The following IKZF1 variants were observed in gnomAD, a reference collection of about 807,000 sequenced individuals.
IKZF1 encodes the protein DNA-binding protein Ikaros.
In IKZF1, 10 loss-of-function variants were observed where a neutral mutation model predicts 51.7. That is an observed-to-expected ratio of 0.19 (90% CI 0.12 to 0.33). The LOEUF (loss-of-function observed/expected upper bound fraction) is 0.33, where lower values mean the gene tolerates loss of function less well. IKZF1 is among the 10% of genes least tolerant of loss of function. IKZF1 has a pLI of 1.00. For synonymous variants in IKZF1, 280 were observed against 282.3 expected, an observed-to-expected ratio of 0.99 and a Z score of 0.08; for missense variants, 484 against 707.5, an observed-to-expected ratio of 0.68 and a Z score of 3.58.
At chr7:50,318,256 A>G (rs1034933657) in intron 1 of IKZF1, 28 of 229,450 alleles carry the variant, frequency 1.2e-4, no homozygotes, top group African/African-American at 4.7e-4. Flanking sequence ...AACATTCACT[A>G]TGGTCATCGA....
intron 6 of IKZF1, among the ~76,000 whole-genome samples, chr7:50,390,217 A>G (rs1814652432): frequency 6.6e-6 from 1 of 152,062 alleles, no homozygotes; most frequent in Non-Finnish European, 1.5e-5. Flanking sequence ...GGCTTTTGGG[A>G]GGCCCTGCGC....
rs138915368 is a variant in IKZF1, at chr7:50,372,296, A to G, written c.161-4237A>G. On this transcript the variant is annotated intron_variant, in intron 3 of 7. Coordinates refer to ENST00000331340, the MANE Select transcript of IKZF1 (RefSeq NM_006060.6). ...AACCCCATTTACGGGAAATCCACGCACTGCTTGAATCTTACGCGCCCCGTG... is the reference window on the plus strand; with the variant it reads ...AACCCCATTTACGGGAAATCCACGCGCTGCTTGAATCTTACGCGCCCCGTG... 1.9e-3 allele frequency among the ~76,000 whole-genome samples: 289 copies of G among 152,292 alleles called. 2 individuals are homozygous for G. The highest frequency in any genetic ancestry group is 6.5e-3 in the African/African-American group (269 of 41,540).
At position 50,335,074 on chromosome 7, in the gene IKZF1, ATGTGTGGTGTGTATGGGATATATGG is replaced by A. The variant is rs1468972867; in HGVS notation, c.160+7332_160+7356del. ...TGTGTGGTGTGCATGTGTGCATGGG[ATGTGTGGTGTGTATGGGATATATGG>A]TGTGTGGTGTGTATATGTTTATGGG... is the stretch of plus-strand genomic sequence containing the variant. On this transcript the variant is annotated intron_variant, in intron 3 of 7. Coordinates refer to ENST00000331340, the MANE Select transcript of IKZF1 (RefSeq NM_006060.6). Among the ~76,000 whole-genome samples, 5 of 139,612 alleles carry A rather than the reference ATGTGTGGTGTGTATGGGATATATGG, an allele frequency of 3.6e-5. No homozygotes were observed. In the East Asian group the frequency reaches 1.1e-3, roughly 31 times the overall value. 91.6% of individuals were successfully genotyped at this position (139,612 alleles called of 152,430 possible).
intron 2 of IKZF1, among the ~76,000 whole-genome samples, chr7:50,324,437 C>T (rs759790686): frequency 1.5e-3 from 235 of 152,322 alleles, no homozygotes; most frequent in Non-Finnish European, 3.1e-3. Flanking sequence ...TGACTCTTTA[C>T]TAGATGCCCC....
chr7:50,404,264 G>A lies in IKZF1; in HGVS notation c.*3637G>A. The A allele has an allele frequency of 4.5e-6, 1 of 220,754 alleles. No homozygotes were observed. The highest frequency in any genetic ancestry group is 6.6e-5 in the East Asian group (1 of 15,140). 13.7% of individuals were successfully genotyped at this position (220,754 alleles called of 1,614,324 possible). On this transcript the variant is annotated 3_prime_UTR_variant, in exon 8 of 8. Transcript: ENST00000331340. Reference sequence around the variant, plus strand: ...TGCCCTTCTGGCGAGTACATGCACAGGATTGTAAATGAGAAATGCAGTCAT... The same window carrying A: ...TGCCCTTCTGGCGAGTACATGCACAAGATTGTAAATGAGAAATGCAGTCAT...
At chr7:50,343,280 CTT>C (rs1799539315) in intron 3 of IKZF1, among the ~76,000 whole-genome samples, 1 of 145,784 alleles carries the variant, frequency 6.9e-6, no homozygotes. Context: ...TCCTTCCTCT[CTT>C]CTTTTCTCCA....
intron 3 of IKZF1, among the ~76,000 whole-genome samples, chr7:50,330,127 C>T (rs991070079): frequency 5.3e-5 from 8 of 152,192 alleles, no homozygotes; most frequent in African/African-American, 1.9e-4. Context: ...GCACAGGTGT[C>T]ACCTTGGAGT....
chr7:50,312,777 A>AT (rs1790510570), intron 1 of IKZF1, among the ~76,000 whole-genome samples: 1 of 152,188 alleles, frequency 6.6e-6, no homozygotes, highest in South Asian at 2.1e-4. Context: ...ATCTGAGCTG[A>AT]TTTGCCCTCA....
rs1294911020 is a variant in IKZF1 at position 50,379,442 on chromosome 7, G to T, written c.421+2649G>T. Among the ~76,000 whole-genome samples, 8 of 152,252 alleles carry T rather than the reference G, an allele frequency of 5.3e-5. No homozygotes were observed. The East Asian group carries it at 1.5e-3, about 29-fold the overall frequency. Reference sequence around the variant, plus strand: ...GCGCCATTTTCTAATCAGCTCATCGGCACCAGCACGTCACTTCCCCTGTTG... The same window carrying T: ...GCGCCATTTTCTAATCAGCTCATCGTCACCAGCACGTCACTTCCCCTGTTG... On this transcript the variant is annotated intron_variant, in intron 4 of 7. Transcript: ENST00000331340.
At position 50,404,731 on chromosome 7, in the gene IKZF1, C is replaced by T. The variant is rs1818722242; in HGVS notation, c.*4104C>T. 1 of 231,126 alleles carries T rather than the reference C, an allele frequency of 4.3e-6. No homozygotes were observed. The highest frequency in any genetic ancestry group is 8.6e-6 in the Non-Finnish European group (1 of 116,688). 14.3% of individuals were successfully genotyped at this position (231,126 alleles called of 1,614,324 possible). ...GAGATACATTTCCAGTTCTCCACTGCAGCATGCTTCAGTCATTCTGTGAGT... is the reference window on the plus strand; with the variant it reads ...GAGATACATTTCCAGTTCTCCACTGTAGCATGCTTCAGTCATTCTGTGAGT... On this transcript the variant is annotated 3_prime_UTR_variant, in exon 8 of 8. Transcript: ENST00000331340.
At chr7:50,336,754 C>A (rs1216979016) in intron 3 of IKZF1, among the ~76,000 whole-genome samples, 23 of 152,108 alleles carry the variant, frequency 1.5e-4, no homozygotes, top group Non-Finnish European at 2.9e-4. Flanking sequence ...GGAACTGTAC[C>A]CAGAGTAGGG....
At chr7:50,350,339 G>A (rs935002845) in intron 3 of IKZF1, among the ~76,000 whole-genome samples, 1 of 152,334 alleles carries the variant, frequency 6.6e-6, no homozygotes, top group East Asian at 1.9e-4. Context: ...CTGTACAGAT[G>A]TTCCCCTCAC....
chr7:50,391,345 G>A (rs78396808), intron 6 of IKZF1, among the ~76,000 whole-genome samples: 4,293 of 152,274 alleles, frequency 0.028, 381 homozygotes, highest in East Asian at 0.19. Flanking sequence ...AGTTCTTTGC[G>A]TCTCAGAGGG....
chr7:50,347,687 G>C (rs568626603), intron 3 of IKZF1, among the ~76,000 whole-genome samples: 1 of 152,218 alleles, frequency 6.6e-6, no homozygotes, highest in Non-Finnish European at 1.5e-5. Flanking sequence ...ATATCACTTT[G>C]AAAGAAATCA....
At chr7:50,388,122 A>G (rs1016631686) in intron 6 of IKZF1, among the ~76,000 whole-genome samples, 5 of 152,152 alleles carry the variant, frequency 3.3e-5, no homozygotes, top group Non-Finnish European at 4.4e-5. Context: ...TGATGTGGAG[A>G]GAGTATTGAA....
chr7:50,400,831 G>A lies in IKZF1; in HGVS notation c.*204G>A, dbSNP rs1456420435. On this transcript the variant is annotated 3_prime_UTR_variant, in exon 8 of 8. Coordinates refer to ENST00000331340, the MANE Select transcript of IKZF1 (RefSeq NM_006060.6). This position sits in a 1 kb window ranked among gnomAD's most constrained non-coding sequence, Gnocchi z 5.4. ...AAAAGATTTTTATTTTTAGAGGCAG[G>A]GCTGCATTGGGAGCATCCAGAACTG... 2 of 669,532 alleles carry A rather than the reference G, an allele frequency of 3.0e-6. No individual in the cohort carries two copies. Among genetic ancestry groups the A allele is most frequent in the African/African-American group, 1.8e-5 (1 of 55,170 alleles). 41.5% of individuals were successfully genotyped at this position (669,532 alleles called of 1,614,324 possible). A position where few individuals can be genotyped will look rare whatever the true frequency, so the allele number is the denominator to read the frequency against.
intron 2 of IKZF1, among the ~76,000 whole-genome samples, chr7:50,319,541 G>A (rs1046112343): frequency 3.3e-5 from 5 of 152,168 alleles, no homozygotes; most frequent in Non-Finnish European, 5.9e-5. Context: ...TTTTCAAGCC[G>A]TATTGGATAT....
intron 3 of IKZF1, among the ~76,000 whole-genome samples, chr7:50,356,727 A>G (rs530375019): frequency 4.3e-4 from 65 of 152,028 alleles, no homozygotes; most frequent in Non-Finnish European, 6.5e-4. Flanking sequence ...CTGCATTCCT[A>G]TATTTCATTA....
intron 2 of IKZF1, among the ~76,000 whole-genome samples, chr7:50,325,328 G>A (rs1172296445): frequency 7.1e-6 from 1 of 140,834 alleles, no homozygotes; most frequent in Non-Finnish European, 1.5e-5. Flanking sequence ...AGTCCTGGGA[G>A]TTTGAACACC....
Sources: gnomAD v4.1 joint callset for allele counts (sites outside exome capture counted in the v4.1 genomes callset) on GRCh38, gnomAD v4.1.1 for gene constraint, Gnocchi (gnomAD v3.1) non-coding constraint, MANE v1.5 for transcripts, NCBI Gene and HGNC (gene_info 2026-07-23, HGNC 2026-07-21) for gene names.